IGF2BP1: variants seen among roughly 807,000 people sequenced by gnomAD.
The protein encoded by IGF2BP1 is insulin like growth factor 2 mRNA binding protein 1.
Under a neutral mutation model 74.9 loss-of-function variants are expected in IGF2BP1, and 11 were observed. The ratio of observed to expected loss-of-function variants is 0.15; its 90% CI spans 0.09 to 0.24. IGF2BP1 has a LOEUF of 0.24. Among genes scored for constraint, IGF2BP1 ranks in the 10% least tolerant of loss-of-function variants. The pLI is 1.00. For missense variants in IGF2BP1, 440 were observed against 757.4 expected (o/e 0.58, Z 4.92); for synonymous variants, 287 against 281.8 (o/e 1.02, Z -0.18).
chr17:49,005,136 G>A (rs937879678), intron 2 of IGF2BP1, among the ~76,000 whole-genome samples: 3 of 152,154 alleles, frequency 2.0e-5, no homozygotes, highest in Admixed American at 1.3e-4. Flanking sequence ...CAGCACAGTA[G>A]GTTTGCAATA....
intron 2 of IGF2BP1, among the ~76,000 whole-genome samples, chr17:49,019,766 C>G (rs1307224869): frequency 6.6e-6 from 1 of 151,010 alleles, no homozygotes; most frequent in Non-Finnish European, 1.5e-5. Context: ...TAGTTTGAGA[C>G]AGGATCTCAC....
chr17:49,026,805 G>C (rs1266384886), intron 4 of IGF2BP1, among the ~76,000 whole-genome samples: 1 of 151,782 alleles, frequency 6.6e-6, no homozygotes, highest in African/African-American at 2.4e-5. Flanking sequence ...GTGAAGTGGC[G>C]CAATCTCGGC....
Position 49,043,540 on chromosome 17 carries a change from G to C in IGF2BP1, c.1190G>C (p.Ser397Thr), listed in dbSNP as rs1463263956. ...PSSVTGAAPY[S>T]SFMQAPEQEM... Reference sequence around the variant, plus strand: ...AGCGTTACTGGGGCTGCTCCCTATAGCTCCTTTATGGTAGGTGGAAGATCT... The same window carrying C: ...AGCGTTACTGGGGCTGCTCCCTATACCTCCTTTATGGTAGGTGGAAGATCT... Residue 397 changes from serine to threonine, a missense_variant, in exon 10 of 15, where the codon AGC becomes ACC. Ser to Thr is a moderately conservative substitution (Grantham distance 58). This residue lies in a region of IGF2BP1 where 31 missense variants were observed against 27.0 expected (regional missense o/e 1.15). Coordinates refer to ENST00000290341, the MANE Select transcript of IGF2BP1 (RefSeq NM_006546.4). 8.7e-6 allele frequency: 14 copies of C among 1,614,058 alleles called. No homozygotes were observed. Among genetic ancestry groups the C allele is most frequent in the Non-Finnish European group, 1.1e-5 (13 of 1,179,956 alleles).
Position 48,997,497 on chromosome 17 carries a change from C to T in IGF2BP1, c.-249C>T, listed in dbSNP as rs967625116. On this transcript the variant is annotated 5_prime_UTR_variant, in exon 1 of 15. Transcript: ENST00000290341. This position sits in a 1 kb window ranked among gnomAD's most constrained non-coding sequence, Gnocchi z 4.8. ...GTTTCGGACCGAAGGGAAGAAGCTG[C>T]GCCGTGTCGTCCGTCTCCCTGCGCG... 4 of 476,850 alleles carry T rather than the reference C, an allele frequency of 8.4e-6. No individual in the cohort carries two copies. Among genetic ancestry groups the T allele is most frequent in the East Asian group, 3.8e-5 (1 of 26,012 alleles). The allele number at this position is 476,850 out of a possible 1,614,324, so 29.5% of individuals were successfully genotyped here.
chr17:49,005,507 G>A (rs1399743439), intron 2 of IGF2BP1, among the ~76,000 whole-genome samples: 1 of 152,190 alleles, frequency 6.6e-6, no homozygotes, highest in Non-Finnish European at 1.5e-5. Flanking sequence ...CATTTTGGTG[G>A]CTGGAAGGCA....
intron 2 of IGF2BP1, 43 bp downstream of exon 2, chr17:48,999,212 G>A (rs764914325): frequency 1.7e-5 from 16 of 966,996 alleles, no homozygotes; most frequent in Non-Finnish European, 2.4e-5. Context: ...GGGCCGCGGG[G>A]GTGTGCTGTG....
At chr17:49,032,006 T>TGGGGGGGGGGGCGGG in intron 5 of IGF2BP1, 33 bp downstream of exon 5, 1 of 899,382 alleles carries the variant, frequency 1.1e-6, no homozygotes, top group Non-Finnish European at 1.8e-6. Flanking sequence ...CTGGGTGCGG[T>TGGGGGGGGGGGCGGG]GGGGGGGGGT....
At position 49,008,822 on chromosome 17, in the gene IGF2BP1, C is replaced by T. The variant is rs926173170; in HGVS notation, c.236+9653C>T. Among the ~76,000 whole-genome samples the T allele has an allele frequency of 5.3e-5, 8 of 151,804 alleles. 1 individual carries two copies. Among genetic ancestry groups the T allele is most frequent in the African/African-American group, 1.5e-4 (6 of 41,280 alleles). On this transcript the variant is annotated intron_variant, in intron 2 of 14. Coordinates refer to ENST00000290341, the MANE Select transcript of IGF2BP1 (RefSeq NM_006546.4). Reference sequence around the variant, plus strand: ...AAAACATTTAACAAGATGCTGCAGACGTCTGGGATAGCTTGCATATTGCTG... The same window carrying T: ...AAAACATTTAACAAGATGCTGCAGATGTCTGGGATAGCTTGCATATTGCTG...
Position 49,051,231 on chromosome 17 carries a change from A to G in IGF2BP1, c.*1787A>G, listed in dbSNP as rs961599582. On this transcript the variant is annotated 3_prime_UTR_variant, in exon 15 of 15. Coordinates refer to ENST00000290341, the MANE Select transcript of IGF2BP1 (RefSeq NM_006546.4). ...AGCAAAAGAGAAGCTGATAGTCTTG[A>G]ATATTTTATTTTTTTAATGAAAAGA... is the stretch of plus-strand genomic sequence containing the variant. 6.6e-6 allele frequency: 1 copy of G among 152,650 alleles called. No individual in the cohort carries two copies. Among genetic ancestry groups the G allele is most frequent in the African/African-American group, 2.4e-5 (1 of 41,452 alleles). The allele number at this position is 152,650 out of a possible 1,614,324, so 9.5% of individuals were successfully genotyped here. A position where few individuals can be genotyped will look rare whatever the true frequency, so the allele number is the denominator to read the frequency against.
chr17:49,043,384 C>T (rs759335300), intron 9 of IGF2BP1, 44 bp from the exon 10 acceptor site: 4 of 1,609,668 alleles, frequency 2.5e-6, no homozygotes, highest in Non-Finnish European at 3.4e-6. Context: ...ACACAAGCCC[C>T]TGTCAGGGTG....
chr17:49,027,444 C>T (rs2041870882), intron 4 of IGF2BP1, among the ~76,000 whole-genome samples: 1 of 152,020 alleles, frequency 6.6e-6, no homozygotes, highest in Admixed American at 6.6e-5. Context: ...TGTCTTTGGT[C>T]AATTAAAATA....
At chr17:49,036,335 C>G (rs887308241) in intron 5 of IGF2BP1, 6 of 151,984 alleles carry the variant, frequency 3.9e-5, no homozygotes, top group African/African-American at 1.2e-4. Context: ...GGAGAGGTAG[C>G]ACAAAAGACA....
intron 2 of IGF2BP1, among the ~76,000 whole-genome samples, chr17:49,010,313 CTTTTTTT>C (rs397857828): frequency 7.6e-5 from 8 of 105,622 alleles, no homozygotes; most frequent in Non-Finnish European, 7.5e-5. Flanking sequence ...TGGTGGTCAT[CTTTTTTT>C]TTTTTTTTTT....
At chr17:49,034,046 A>G (rs2144093031) in intron 5 of IGF2BP1, among the ~76,000 whole-genome samples, 1 of 151,452 alleles carries the variant, frequency 6.6e-6, no homozygotes. Flanking sequence ...GCTAGTGTCA[A>G]ACTCCTGGCC....
rs761329859 is a variant in IGF2BP1 at position 49,025,691 on chromosome 17, A to G, written c.285+25A>G. The stretch of plus-strand genomic sequence containing the variant: ...AGTAAGTGTTTGGGGGAAACTCTAA[A>G]TGGAGTGGGATAGTGGAGCCTGGAA... On this transcript the variant is annotated intron_variant, in intron 3 of 14. Coordinates refer to ENST00000290341, the MANE Select transcript of IGF2BP1 (RefSeq NM_006546.4). 8 of 1,602,778 alleles carry G rather than the reference A, an allele frequency of 5.0e-6. No individual in the cohort carries two copies. In the African/African-American group the frequency reaches 9.4e-5, roughly 19 times the overall value.
chr17:49,037,314 C>A, intron 5 of IGF2BP1: 1 of 490,568 alleles, frequency 2.0e-6, no homozygotes, highest in South Asian at 2.2e-5. Flanking sequence ...TCTAACTGCT[C>A]ACTATAATGA....
At chr17:49,002,730 A>G (rs1429675383) in intron 2 of IGF2BP1, among the ~76,000 whole-genome samples, 1 of 150,844 alleles carries the variant, frequency 6.6e-6, no homozygotes, top group Non-Finnish European at 1.5e-5. Flanking sequence ...TACATAAGTG[A>G]AAAAAATGGT....
rs2042148514 is a variant in IGF2BP1 at position 49,049,852 on chromosome 17, T to C, written c.*408T>C. Reference sequence around the variant, plus strand: ...GTTCATTTCTTGACCTTAATGTTTTTCCAATCTTCTTCCCCCTACTTGGGT... The same window carrying C: ...GTTCATTTCTTGACCTTAATGTTTTCCCAATCTTCTTCCCCCTACTTGGGT... On this transcript the variant is annotated 3_prime_UTR_variant, in exon 15 of 15. Coordinates refer to ENST00000290341, the MANE Select transcript of IGF2BP1 (RefSeq NM_006546.4). 6.5e-6 allele frequency: 1 copy of C among 154,558 alleles called. No homozygotes were observed. Among genetic ancestry groups the C allele is most frequent in the Non-Finnish European group, 1.4e-5 (1 of 69,700 alleles). The allele number at this position is 154,558 out of a possible 1,614,324, so 9.6% of individuals were successfully genotyped here. A position where few individuals can be genotyped will look rare whatever the true frequency, so the allele number is the denominator to read the frequency against.
intron 2 of IGF2BP1, among the ~76,000 whole-genome samples, chr17:49,008,418 C>A (rs2041577432): frequency 6.6e-6 from 1 of 152,146 alleles, no homozygotes; most frequent in African/African-American, 2.4e-5. Flanking sequence ...ATATTTATTA[C>A]CATTTGGTTA....
Sources: allele counts gnomAD v4.1 joint callset (sites outside exome capture counted in the v4.1 genomes callset), GRCh38; gene constraint gnomAD v4.1.1; regional missense constraint gnomAD v4.1.1; non-coding constraint Gnocchi (gnomAD v3.1); transcripts MANE v1.5; gene names NCBI Gene and HGNC (gene_info 2026-07-23, HGNC 2026-07-21).